ALDH18A1: variants seen among roughly 807,000 people sequenced by gnomAD.
ALDH18A1 encodes delta-1-pyrroline-5-carboxylate synthase.
ALDH18A1 carries 44 observed loss-of-function variants against 88.8 expected under a neutral mutation model. That is an observed-to-expected ratio of 0.50 (90% CI 0.39 to 0.64). The LOEUF is 0.64. Ranked by LOEUF, ALDH18A1 falls within the 30% of genes least tolerant of loss-of-function variation. The probability of loss-of-function intolerance (pLI) is 0.00; values close to 1 mark genes in which losing one functional copy is unlikely to be tolerated. For synonymous variants in ALDH18A1, 331 were observed against 372.1 expected, an observed-to-expected ratio of 0.89 and a Z score of 1.27; for missense variants, 782 against 1,009.5, an observed-to-expected ratio of 0.77 and a Z score of 3.05.
chr10:95,650,091 G>C (rs2097907984), intron 2 of ALDH18A1, among the ~76,000 whole-genome samples: 2 of 151,852 alleles, frequency 1.3e-5, no homozygotes, highest in African/African-American at 4.8e-5. Context: ...ATGGATCATG[G>C]ATTTAAGTAT....
At chr10:95,619,769 C>A (rs1287818380) in intron 12 of ALDH18A1, among the ~76,000 whole-genome samples, 1 of 152,160 alleles carries the variant, frequency 6.6e-6, no homozygotes, top group South Asian at 2.1e-4. Flanking sequence ...CTTCCTTACA[C>A]CTTATACAAA....
At position 95,614,066 on chromosome 10, in the gene ALDH18A1, G is replaced by A. The variant is rs373895366; in HGVS notation, c.1701C>T (p.Ile567=). Reference sequence around the variant, plus strand: ...CTGGAATCCCCTTAGCAGCTTTCTGGATGTCTCTGACCAGCTGGGAAGAGC... The same window carrying A: ...CTGGAATCCCCTTAGCAGCTTTCTGAATGTCTCTGACCAGCTGGGAAGAGC... ...PRGSSQLVRD[I]QKAAKGIPVM... Residue 567 remains isoleucine (I), a synonymous_variant, in exon 14 of 18, where the codon ATC becomes ATT. Transcript: ENST00000371224. 8.7e-6 allele frequency: 14 copies of A among 1,614,134 alleles called. No homozygotes were observed. Among genetic ancestry groups the A allele is most frequent in the Non-Finnish European group, 1.2e-5 (14 of 1,180,024 alleles).
intron 11 of ALDH18A1, among the ~76,000 whole-genome samples, chr10:95,623,757 G>C (rs1047159680): frequency 7.9e-5 from 12 of 152,192 alleles, no homozygotes; most frequent in Non-Finnish European, 1.2e-4. Context: ...TAGAGATGAG[G>C]TTTCTCCATG....
At chr10:95,610,153 G>A (rs1176930803) in intron 17 of ALDH18A1, 44 bp downstream of exon 17, 1 of 1,579,586 alleles carries the variant, frequency 6.3e-7, no homozygotes, top group East Asian at 2.2e-5. Context: ...ACCACACAGT[G>A]CTTCACAAGG....
chr10:95,641,309 T>C (rs991040173), intron 3 of ALDH18A1, among the ~76,000 whole-genome samples: 1 of 152,120 alleles, frequency 6.6e-6, no homozygotes, highest in African/African-American at 2.4e-5. Flanking sequence ...CCCTGAACAG[T>C]CACCTTAATG....
At position 95,637,150 on chromosome 10, in the gene ALDH18A1, A is replaced by G. The variant is rs2097882248; in HGVS notation, c.501T>C (p.Ser167=). The G allele has an allele frequency of 1.2e-6, 2 of 1,613,982 alleles. No individual in the cohort carries two copies. Among genetic ancestry groups the G allele is most frequent in the Non-Finnish European group, 1.7e-6 (2 of 1,180,020 alleles). The change falls in exon 5 of 18, where the codon AGT becomes AGC. Residue 167 remains serine, a synonymous_variant. Transcript: ENST00000371224. ...EARACAAAGQ[S]GLMALYEAMF... ...TAGCCTCATACAAGGCCATCAGCCCACTCTGTCCGGCAGCTGCACAGGCTC... is the reference window on the plus strand; with the variant it reads ...TAGCCTCATACAAGGCCATCAGCCCGCTCTGTCCGGCAGCTGCACAGGCTC...
Position 95,614,082 on chromosome 10 carries a change from T to C in ALDH18A1, c.1685A>G (p.Gln562Arg), listed in dbSNP as rs1242728015. 6.2e-7 allele frequency: 1 copy of C among 1,614,182 alleles called. No homozygotes were observed. ...AGCTTTCTGGATGTCTCTGACCAGC[T>C]GGGAAGAGCCACGTGGAATGATCAG... is the stretch of plus-strand genomic sequence containing the variant. ...IDLIIPRGSS[Q>R]LVRDIQKAAK... The change falls in exon 14 of 18, where the codon CAG becomes CGG. Residue 562 changes from glutamine to arginine, a missense_variant. This residue lies in a region of ALDH18A1 where 556 missense variants were observed against 654.5 expected (regional missense o/e 0.85). Coordinates refer to ENST00000371224, the MANE Select transcript of ALDH18A1 (RefSeq NM_002860.4).
chr10:95,613,254 T>A (rs1006444075), intron 15 of ALDH18A1, among the ~76,000 whole-genome samples: 4 of 152,210 alleles, frequency 2.6e-5, no homozygotes, highest in Non-Finnish European at 1.5e-5. Context: ...AGTAAAAACA[T>A]AATCCAGGGA....
chr10:95,633,799 GT>G lies in ALDH18A1; in HGVS notation c.559-151del. Reference sequence around the variant, plus strand: ...ATTAGAATGAAATACACATATCTGGGTGCTATCCAATTCTTTTTTTTTTTTT... The same window carrying G: ...ATTAGAATGAAATACACATATCTGGGGCTATCCAATTCTTTTTTTTTTTTT... On this transcript the variant is annotated intron_variant, in intron 5 of 17. Transcript: ENST00000371224. 4.7e-6 allele frequency: 3 copies of G among 632,244 alleles called. No individual in the cohort carries two copies. In the East Asian group the frequency reaches 8.8e-5, roughly 18 times the overall value. The allele number at this position is 632,244 out of a possible 1,614,324, so 39.2% of individuals were successfully genotyped here. A position where few individuals can be genotyped will look rare whatever the true frequency, so the allele number is the denominator to read the frequency against.
In ALDH18A1 at chr10:95,611,361, C is replaced by T; in HGVS notation, c.2005G>A (p.Gly669Arg). 1.2e-6 allele frequency: 2 copies of T among 1,614,198 alleles called. No homozygotes were observed. Among genetic ancestry groups the T allele is most frequent in the Non-Finnish European group, 1.7e-6 (2 of 1,180,026 alleles). Residue 669 changes from glycine (G) to arginine (R), a missense_variant, in exon 16 of 18, where the codon GGG becomes AGG. Gly to Arg is a moderately radical substitution (Grantham distance 125). This residue lies in a region of ALDH18A1 where 556 missense variants were observed against 654.5 expected (regional missense o/e 0.85). Transcript: ENST00000371224. ...ACTTCAATGCATAATTCCAGGTCCC[C>T]ATACTCAGTTCGGAGTGACTTCACT... ...SEVKSLRTEY[G>R]DLELCIEVVD...
chr10:95,621,533 A>T (rs2097852644), intron 11 of ALDH18A1, among the ~76,000 whole-genome samples: 1 of 151,934 alleles, frequency 6.6e-6, no homozygotes, highest in Non-Finnish European at 1.5e-5. Flanking sequence ...GTTGATCTCG[A>T]ACTCCTCAAC....
In ALDH18A1 at chr10:95,620,882, A is replaced by G. The variant is rs561658594; in HGVS notation, c.1467+149T>C. ...TGCAGCAAACCAATATGGCACATGT[A>G]TACCTATGTAACAAACCTGCACGTT... On this transcript the variant is annotated intron_variant, in intron 12 of 17. Transcript: ENST00000371224. 5.4e-6 allele frequency: 4 copies of G among 739,288 alleles called. No homozygotes were observed. In the African/African-American group the frequency reaches 7.1e-5, roughly 13 times the overall value. The allele number at this position is 739,288 out of a possible 1,614,324, so 45.8% of individuals were successfully genotyped here.
chr10:95,608,752 C>T (rs1218368028), intron 17 of ALDH18A1, among the ~76,000 whole-genome samples: 1 of 152,232 alleles, frequency 6.6e-6, no homozygotes. Context: ...CCTCCTGCTT[C>T]AGCCTCTCAA....
chr10:95,644,470 C>A (rs1274375832), intron 2 of ALDH18A1, among the ~76,000 whole-genome samples: 1 of 152,086 alleles, frequency 6.6e-6, no homozygotes, highest in Non-Finnish European at 1.5e-5. Flanking sequence ...GGAAAAAAAT[C>A]TTCATTAAAA....
rs376825293 is a variant in ALDH18A1, at chr10:95,649,351, A to ATTT, written c.88+3936_88+3938dup. Among the ~76,000 whole-genome samples the ATTT allele has an allele frequency of 1.9e-4, 25 of 131,082 alleles. 1 individual carries two copies. The highest frequency in any genetic ancestry group is 2.3e-4 in the Non-Finnish European group (14 of 61,242). The allele number at this position is 131,082 out of a possible 152,430, so 86.0% of individuals were successfully genotyped here. On this transcript the variant is annotated intron_variant, in intron 2 of 17. Transcript: ENST00000371224. ...AGCAACATAGACTCCATTTTTACAG[A>ATTT]TTTTTTTTTTTTTTTTTTTTTGAAA...
At chr10:95,653,547 C>G in intron 1 of ALDH18A1, 142 bp from the exon 2 acceptor site, 1 of 690,780 alleles carries the variant, frequency 1.4e-6, no homozygotes, top group Non-Finnish European at 2.5e-6. Flanking sequence ...CTCCCACCTC[C>G]TCTATATTAT....
intron 7 of ALDH18A1, among the ~76,000 whole-genome samples, chr10:95,630,252 C>T (rs1331932535): frequency 6.6e-6 from 1 of 152,160 alleles, no homozygotes; most frequent in Non-Finnish European, 1.5e-5. Context: ...GCTGGGATTA[C>T]AGGCATGTGC....
chr10:95,643,248 C>T, intron 2 of ALDH18A1, 42 bp from the exon 3 acceptor site: 1 of 1,589,432 alleles, frequency 6.3e-7, no homozygotes, highest in South Asian at 1.1e-5. Flanking sequence ...AAGAAATACT[C>T]AATATAGTTT....
At position 95,616,468 on chromosome 10, in the gene ALDH18A1, G is replaced by A; in HGVS notation, c.1605+9C>T. ...CTGGGCCTGACTTGGTGCATTCCCA[G>A]GGACCTACCAGTTGCACGGCCTCCT... is the stretch of plus-strand genomic sequence containing the variant. On this transcript the variant is annotated intron_variant, in intron 13 of 17. Transcript: ENST00000371224. 1 of 1,559,928 alleles carries A rather than the reference G, an allele frequency of 6.4e-7. No individual in the cohort carries two copies. The highest frequency in any genetic ancestry group is 8.7e-7 in the Non-Finnish European group (1 of 1,151,032).
Sources: gnomAD v4.1 joint callset for allele counts (sites outside exome capture counted in the v4.1 genomes callset) on GRCh38, gnomAD v4.1.1 for gene constraint, gnomAD v4.1.1 regional missense constraint, MANE v1.5 for transcripts, NCBI Gene and HGNC (gene_info 2026-07-23, HGNC 2026-07-21) for gene names.